Variants in PTPRD observed in about 807,000 individuals in gnomAD.
The protein encoded by PTPRD is receptor-type tyrosine-protein phosphatase delta.
A neutral mutation model predicts 214.5 loss-of-function variants in PTPRD; 34 were observed. The ratio of observed to expected loss-of-function variants is 0.16; its 90% CI spans 0.12 to 0.21. PTPRD has a LOEUF of 0.21. Ranked by LOEUF, PTPRD falls within the 10% of genes least tolerant of loss-of-function variation. The probability of loss-of-function intolerance (pLI) is 1.00; values close to 1 mark genes in which losing one functional copy is unlikely to be tolerated. For missense variants in PTPRD, 2,545 were observed against 2,398.7 expected (o/e 1.06, Z -1.27); for synonymous variants, 1,128 against 845.7 (o/e 1.33, Z -5.79).
chr9:10,082,866 C>T (rs1325670288), intron 3 of PTPRD, among the ~76,000 whole-genome samples: 1 of 151,114 alleles, frequency 6.6e-6, no homozygotes, highest in Admixed American at 6.6e-5. Context: ...CACACACACC[C>T]TAGATTTATT....
At chr9:10,097,464 A>C (rs2154209194) in intron 3 of PTPRD, among the ~76,000 whole-genome samples, 1 of 151,352 alleles carries the variant, frequency 6.6e-6, no homozygotes, top group South Asian at 2.1e-4. Context: ...ATCCCTTGTA[A>C]GTTGAATTCC....
At chr9:9,533,000 G>C (rs910349654) in intron 8 of PTPRD, among the ~76,000 whole-genome samples, 3 of 152,126 alleles carry the variant, frequency 2.0e-5, no homozygotes, top group African/African-American at 7.2e-5. Context: ...TGAAGACAGT[G>C]CAGAAGAAGT....
At chr9:8,687,149 T>C (rs2097697322) in intron 12 of PTPRD, among the ~76,000 whole-genome samples, 1 of 152,188 alleles carries the variant, frequency 6.6e-6, no homozygotes, top group South Asian at 2.1e-4. Context: ...ACATATATTG[T>C]TTGCTAAATC....
chr9:10,108,789 A>G (rs1375753012), intron 3 of PTPRD, among the ~76,000 whole-genome samples: 1 of 152,114 alleles, frequency 6.6e-6, no homozygotes, highest in Non-Finnish European at 1.5e-5. Context: ...TCCTTAAAAA[A>G]GAGGAAAGCC....
At chr9:9,360,338 A>G (rs2055596345) in intron 9 of PTPRD, among the ~76,000 whole-genome samples, 1 of 151,284 alleles carries the variant, frequency 6.6e-6, no homozygotes, top group African/African-American at 2.4e-5. Context: ...ACAGAAGCAA[A>G]TAATAGGAAA....
chr9:8,488,055 A>G (rs896551379), intron 27 of PTPRD, among the ~76,000 whole-genome samples: 4 of 152,126 alleles, frequency 2.6e-5, no homozygotes, highest in African/African-American at 9.7e-5. Context: ...AAAAAGAAAG[A>G]TGGTAGGAAA....
intron 2 of PTPRD, among the ~76,000 whole-genome samples, chr9:10,470,997 A>G (rs2099027355): frequency 6.6e-6 from 1 of 152,152 alleles, no homozygotes; most frequent in African/African-American, 2.4e-5. Flanking sequence ...CGTCCTTTGC[A>G]GGACATGGAT....
intron 10 of PTPRD, among the ~76,000 whole-genome samples, chr9:9,111,880 C>G (rs2099806596): frequency 6.6e-6 from 1 of 152,094 alleles, no homozygotes; most frequent in South Asian, 2.1e-4. Context: ...CAAAACAAAA[C>G]AAGAAAACCT....
chr9:8,826,734 G>A (rs1380931398), intron 11 of PTPRD, among the ~76,000 whole-genome samples: 2 of 151,122 alleles, frequency 1.3e-5, no homozygotes, highest in South Asian at 4.2e-4. Context: ...GGCAAGCATA[G>A]TATCTCTTCT....
intron 22 of PTPRD, among the ~76,000 whole-genome samples, chr9:8,505,620 GTC>G: frequency 1.0e-5 from 1 of 96,800 alleles, no homozygotes; most frequent in Non-Finnish European, 1.8e-5. Context: ...AGGAGACTCT[GTC>G]TCAAAAAAAA....
Position 8,546,013 on chromosome 9 carries a change from G to C in PTPRD, c.353-17234C>G, listed in dbSNP as rs530065818. Among the ~76,000 whole-genome samples the C allele has an allele frequency of 6.6e-5, 10 of 152,282 alleles. No individual in the cohort carries two copies. In the South Asian group the frequency reaches 1.2e-3, roughly 19 times the overall value. ...TCACCAACCTCTTTAGTTTTCATAAGAAGATGTACCTATTTAGCCTTAACA... is the reference window on the plus strand; with the variant it reads ...TCACCAACCTCTTTAGTTTTCATAACAAGATGTACCTATTTAGCCTTAACA... On this transcript the variant is annotated intron_variant, in intron 14 of 45. Transcript: ENST00000381196.
intron 14 of PTPRD, among the ~76,000 whole-genome samples, chr9:8,603,824 T>C (rs1176354699): frequency 6.6e-6 from 1 of 152,162 alleles, no homozygotes; most frequent in Non-Finnish European, 1.5e-5. Flanking sequence ...ATGCAAATAT[T>C]TCACAATTTA....
intron 4 of PTPRD, among the ~76,000 whole-genome samples, chr9:9,996,191 T>C (rs1019951773): frequency 2.0e-5 from 3 of 152,176 alleles, no homozygotes; most frequent in African/African-American, 7.2e-5. Context: ...TATCCTTATA[T>C]TGGTCTGATA....
chr9:10,093,115 A>G (rs952415501), intron 3 of PTPRD, among the ~76,000 whole-genome samples: 6 of 151,798 alleles, frequency 4.0e-5, no homozygotes, highest in Non-Finnish European at 8.8e-5. Context: ...ATCTAATTAA[A>G]CTAAAGCCCT....
chr9:9,953,262 T>C (rs544476200), intron 4 of PTPRD, among the ~76,000 whole-genome samples: 1 of 152,104 alleles, frequency 6.6e-6, no homozygotes, highest in Non-Finnish European at 1.5e-5. Context: ...CTCCACGATG[T>C]GGACAGGCCT....
intron 8 of PTPRD, among the ~76,000 whole-genome samples, chr9:9,516,418 A>G (rs2096839920): frequency 6.6e-6 from 1 of 152,002 alleles, no homozygotes; most frequent in Admixed American, 6.6e-5. Context: ...CACCTTACAT[A>G]AAAGATTCTT....
At chr9:8,809,192 A>G (rs965147453) in intron 11 of PTPRD, among the ~76,000 whole-genome samples, 9 of 152,136 alleles carry the variant, frequency 5.9e-5, no homozygotes, top group Non-Finnish European at 4.4e-5. Flanking sequence ...TGAAAATACT[A>G]GTTGTTAAAA....
chr9:10,482,288 A>C (rs13297044), intron 2 of PTPRD, among the ~76,000 whole-genome samples: 6 of 151,606 alleles, frequency 4.0e-5, no homozygotes, highest in South Asian at 2.1e-4. Flanking sequence ...GGAGAATGGC[A>C]TGAACCCGGG....
chr9:10,144,981 G>GA (rs1174315084), intron 3 of PTPRD, among the ~76,000 whole-genome samples: 4 of 151,210 alleles, frequency 2.6e-5, no homozygotes, highest in African/African-American at 7.3e-5. Flanking sequence ...TGGAAAAACT[G>GA]AAAAAATATA....
Sources: allele counts gnomAD v4.1 joint callset (sites outside exome capture counted in the v4.1 genomes callset), GRCh38; gene constraint gnomAD v4.1.1; transcripts MANE v1.5; gene names NCBI Gene and HGNC (gene_info 2026-07-23, HGNC 2026-07-21).